The following NCBP2L variants were observed in gnomAD, a reference collection of about 807,000 sequenced individuals.
NCBP2L encodes the protein nuclear cap binding protein subunit 2 like.
For missense variants in NCBP2L, 95 were observed against 53.1 expected, an observed-to-expected ratio of 1.79 and a Z score of -2.45; for synonymous variants, 39 against 19.2, an observed-to-expected ratio of 2.04 and a Z score of -2.70.
chrX:107,781,676 A>ATCTATCTATCTATCTATCTCTCTC (rs1380779020), intron 1 of NCBP2L, among the ~76,000 whole-genome samples: 45 of 55,877 alleles, frequency 8.1e-4, no homozygotes, highest in African/African-American at 4.9e-3. Flanking sequence ...CTATCTATCT[A>ATCTATCTATCTATCTATCTCTCTC]TCTCTCTCTC....
intron 1 of NCBP2L, among the ~76,000 whole-genome samples, chrX:107,785,295 G>A (rs1051531991): frequency 9.0e-6 from 1 of 111,418 alleles, no homozygotes; most frequent in African/African-American, 3.3e-5. Context: ...GGATAGGAGG[G>A]TAGAGTGTAT....
chrX:107,786,364 A>G (rs1330643072), intron 1 of NCBP2L, among the ~76,000 whole-genome samples: 1 of 112,351 alleles, frequency 8.9e-6, no homozygotes, highest in Non-Finnish European at 1.9e-5. Context: ...TTAATGTACT[A>G]AAAATGTGGG....
chrX:107,782,359 A>G (rs1930333653), intron 1 of NCBP2L, among the ~76,000 whole-genome samples: 1 of 42,839 alleles, frequency 2.3e-5, no homozygotes, highest in South Asian at 1.0e-3. Context: ...ATAAATATAT[A>G]TATATATAAA....
chrX:107,785,243 T>A (rs758850032), intron 1 of NCBP2L, among the ~76,000 whole-genome samples: 55 of 111,411 alleles, frequency 4.9e-4, no homozygotes, highest in Non-Finnish European at 7.9e-4. Flanking sequence ...TAGAAGTGAA[T>A]CAAAATCTTT....
chrX:107,778,747 T>C (rs1322429351), intron 1 of NCBP2L, among the ~76,000 whole-genome samples: 5 of 112,583 alleles, frequency 4.4e-5, no homozygotes, highest in African/African-American at 1.6e-4. Context: ...GGGGCATCTC[T>C]TTCTTGGATG....
At chrX:107,788,024 T>C (rs769424932) in intron 1 of NCBP2L, among the ~76,000 whole-genome samples, 1 of 112,374 alleles carries the variant, frequency 8.9e-6, no homozygotes, top group Admixed American at 9.4e-5. Flanking sequence ...ACTGATCATT[T>C]TGAGCCATTC....
At chrX:107,779,193 C>T (rs1015066218) in intron 1 of NCBP2L, among the ~76,000 whole-genome samples, 1 of 111,901 alleles carries the variant, frequency 8.9e-6, no homozygotes, top group Non-Finnish European at 1.9e-5. Context: ...AGAAACAACT[C>T]TCATAACCAT....
intron 1 of NCBP2L, among the ~76,000 whole-genome samples, chrX:107,784,147 G>C (rs1430352390): frequency 9.0e-6 from 1 of 111,491 alleles, no homozygotes; most frequent in Non-Finnish European, 1.9e-5. Context: ...ATAACACTTG[G>C]TACCTACCAC....
At chrX:107,778,483 G>A (rs1301575574) in intron 1 of NCBP2L, among the ~76,000 whole-genome samples, 1 of 112,787 alleles carries the variant, frequency 8.9e-6, no homozygotes, top group Admixed American at 9.4e-5. Context: ...TTCAGAGATA[G>A]AGTTCAGGAG....
intron 1 of NCBP2L, among the ~76,000 whole-genome samples, chrX:107,793,571 A>G (rs1930479468): frequency 9.0e-6 from 1 of 111,279 alleles, no homozygotes; most frequent in East Asian, 2.8e-4. Context: ...TGCCAATAAA[A>G]TCTAATCTTA....
intron 1 of NCBP2L, among the ~76,000 whole-genome samples, chrX:107,786,668 C>G (rs1316899583): frequency 9.0e-6 from 1 of 111,430 alleles, no homozygotes; most frequent in Admixed American, 9.5e-5. Context: ...AGTTTACATA[C>G]CTTCCCCTCA....
intron 1 of NCBP2L, among the ~76,000 whole-genome samples, chrX:107,789,471 G>A (rs1055429002): frequency 1.8e-5 from 2 of 110,825 alleles, no homozygotes; most frequent in African/African-American, 6.6e-5. Context: ...TATTGTTATG[G>A]AATCTTTTCT....
intron 1 of NCBP2L, among the ~76,000 whole-genome samples, chrX:107,785,346 T>C (rs1045815546): frequency 1.7e-4 from 19 of 111,823 alleles, no homozygotes; most frequent in African/African-American, 6.2e-4. Flanking sequence ...CCCATCTCCC[T>C]ACAACAGCTA....
chrX:107,781,692 C>CTATA lies in NCBP2L; in HGVS notation c.-73+3849_-73+3852dup, dbSNP rs1212780432. 2.0e-3 allele frequency among the ~76,000 whole-genome samples: 131 copies of CTATA among 66,911 alleles called. 3 individuals are homozygous for CTATA. The highest frequency in any genetic ancestry group is 2.3e-3 in the African/African-American group (27 of 11,747). 58.1% of individuals were successfully genotyped at this position (66,911 alleles called of 115,157 possible). On this transcript the variant is annotated intron_variant, in intron 1 of 1. Coordinates refer to ENST00000509000, the MANE Select transcript of NCBP2L (RefSeq NM_001348372.2). ...TATCTATCTATCTCTCTCTCTCTCT[C>CTATA]TATATATATATATATATAGATCTAT... is the stretch of plus-strand genomic sequence containing the variant.
intron 1 of NCBP2L, among the ~76,000 whole-genome samples, chrX:107,789,771 C>T (rs1930428768): frequency 9.0e-6 from 1 of 110,960 alleles, no homozygotes; most frequent in Non-Finnish European, 1.9e-5. Flanking sequence ...TCTCTGATTA[C>T]TCCTTCTTAT....
intron 1 of NCBP2L, among the ~76,000 whole-genome samples, chrX:107,783,855 C>CATATGTGTGT: frequency 1.3e-5 from 1 of 79,862 alleles, no homozygotes; most frequent in South Asian, 5.0e-4. Context: ...GTCTGGTGTG[C>CATATGTGTGT]GTATGTGTGT....
At chrX:107,779,618 G>A (rs1015177134) in intron 1 of NCBP2L, among the ~76,000 whole-genome samples, 11 of 111,041 alleles carry the variant, frequency 9.9e-5, no homozygotes, top group Admixed American at 1.9e-4. Context: ...AGTAGAGACA[G>A]GGTTTCGCCA....
Position 107,785,012 on chromosome X carries a change from AGAAGGAAG to A in NCBP2L, c.-73+7174_-73+7181del, listed in dbSNP as rs376629064. Among the ~76,000 whole-genome samples the A allele has an allele frequency of 7.3e-3, 748 of 101,781 alleles. 10 individuals are homozygous for A. Among genetic ancestry groups the A allele is most frequent in the African/African-American group, 0.027 (716 of 26,413 alleles). 88.4% of individuals were successfully genotyped at this position (101,781 alleles called of 115,157 possible). On this transcript the variant is annotated intron_variant, in intron 1 of 1. Coordinates refer to ENST00000509000, the MANE Select transcript of NCBP2L (RefSeq NM_001348372.2). ...ACAAAAGAAAGAAGGAAGGAAAGAA[AGAAGGAAG>A]GAAGGAAGGAAGGAAGGAAAGAAAG...
In NCBP2L at chrX:107,794,288, A is replaced by T. The variant is rs368256434; in HGVS notation, c.68A>T (p.Gln23Leu). Residue 23 changes from glutamine (Q) to leucine (L), a missense_variant, in exon 2 of 2, where the codon CAG becomes CTG. Physicochemically the swap from Gln to Leu is moderately radical, Grantham distance 113 (BLOSUM62 -2). Transcript: ENST00000509000. ...ALELSCYRDH[Q>L]FSGRKFQQEK... The stretch of plus-strand genomic sequence containing the variant: ...GAGCTGAGCTGCTACCGGGACCATC[A>T]GTTCAGTGGCCGTAAATTTCAGCAG... The T allele has an allele frequency of 3.2e-5, 18 of 567,571 alleles. No individual in the cohort carries two copies. Among genetic ancestry groups the T allele is most frequent in the Non-Finnish European group, 5.2e-5 (16 of 308,951 alleles). 46.8% of individuals were successfully genotyped at this position (567,571 alleles called of 1,213,427 possible).
Sources: allele counts gnomAD v4.1 joint callset (sites outside exome capture counted in the v4.1 genomes callset), GRCh38; gene constraint gnomAD v4.1.1; transcripts MANE v1.5; gene names NCBI Gene and HGNC (gene_info 2026-07-23, HGNC 2026-07-21).